The following ATXN7L1 variants were observed in gnomAD, a reference collection of about 807,000 sequenced individuals.
ATXN7L1 encodes the protein ataxin 7 like 1.
A neutral mutation model predicts 70.8 loss-of-function variants in ATXN7L1; 15 were observed. The observed-to-expected ratio is 0.21, with a 90% CI of 0.14 to 0.33. The LOEUF (loss-of-function observed/expected upper bound fraction) is 0.33, where lower values mean the gene tolerates loss of function less well. Ranked by LOEUF, ATXN7L1 falls within the 10% of genes least tolerant of loss-of-function variation. ATXN7L1 has a pLI of 1.00. For missense variants in ATXN7L1, 975 were observed against 1,097.1 expected, an observed-to-expected ratio of 0.89 and a Z score of 1.57; for synonymous variants, 440 against 445.1, an observed-to-expected ratio of 0.99 and a Z score of 0.14.
intron 3 of ATXN7L1, chr7:105,691,551 A>G (rs1021191429): frequency 6.6e-6 from 1 of 151,904 alleles, no homozygotes; most frequent in African/African-American, 2.4e-5. Flanking sequence ...GTAAACTAAA[A>G]CCACTTACAG....
At chr7:105,717,166 C>T (rs1342639617) in intron 3 of ATXN7L1, among the ~76,000 whole-genome samples, 6 of 152,070 alleles carry the variant, frequency 3.9e-5, no homozygotes, top group South Asian at 2.1e-4. Context: ...CTCGCTCTGT[C>T]GCCCAGGCTG....
chr7:105,641,214 C>CTTTTTTTTTTTTTTTTTTTTTT (rs561100060), intron 5 of ATXN7L1, among the ~76,000 whole-genome samples: 1 of 21,786 alleles, frequency 4.6e-5, no homozygotes, highest in Admixed American at 7.4e-4. Context: ...CTCTCTCTCT[C>CTTTTTTTTTTTTTTTTTTTTTT]TTTTTTTTTT....
In ATXN7L1 at chr7:105,793,731, C is replaced by T. The variant is rs1231575342; in HGVS notation, c.251-5023G>A. On this transcript the variant is annotated intron_variant, in intron 2 of 11. Coordinates refer to ENST00000419735, the MANE Select transcript of ATXN7L1 (RefSeq NM_020725.2). The stretch of plus-strand genomic sequence containing the variant: ...CTGTCTGCTTTGCCCTGTTTTGTCA[C>T]CACAAATGGATAAACTGTGGATTAG... Among the ~76,000 whole-genome samples, 10 of 152,304 alleles carry T rather than the reference C, an allele frequency of 6.6e-5. No individual in the cohort carries two copies. In the East Asian group the frequency reaches 1.9e-3, roughly 29 times the overall value.
At chr7:105,744,502 C>T (rs1283030324) in intron 3 of ATXN7L1, among the ~76,000 whole-genome samples, 1 of 152,122 alleles carries the variant, frequency 6.6e-6, no homozygotes, top group Non-Finnish European at 1.5e-5. Flanking sequence ...GTGTCAGCAG[C>T]ACTGTCCTGA....
intron 3 of ATXN7L1, among the ~76,000 whole-genome samples, chr7:105,719,592 C>A (rs1218622355): frequency 6.6e-6 from 1 of 152,134 alleles, no homozygotes; most frequent in Admixed American, 6.6e-5. Context: ...CAGCAGGAGC[C>A]AGCGCAGAGA....
intron 3 of ATXN7L1, among the ~76,000 whole-genome samples, chr7:105,714,852 G>A (rs537039417): frequency 2.0e-5 from 3 of 152,144 alleles, no homozygotes; most frequent in East Asian, 1.9e-4. Context: ...TAGTAGAGAC[G>A]GGGGTTTCCA....
intron 3 of ATXN7L1, among the ~76,000 whole-genome samples, chr7:105,722,888 G>GAAATA (rs140633734): frequency 0.034 from 5,106 of 151,556 alleles, 114 homozygotes; most frequent in Non-Finnish European, 0.052. Flanking sequence ...CCGGCTCAAA[G>GAAATA]AAATAAAATA....
At chr7:105,611,813 C>CCCCGA (rs1562883748) in intron 10 of ATXN7L1, among the ~76,000 whole-genome samples, 1 of 152,220 alleles carries the variant, frequency 6.6e-6, no homozygotes, top group East Asian at 1.9e-4. Flanking sequence ...TCATGCGTTG[C>CCCCGA]CCCGACCCCG....
In ATXN7L1 at chr7:105,733,593, TCCA is replaced by T. The variant is rs1796905134; in HGVS notation, c.355+55008_355+55010del. ...TTCCATCCATCCACCCATCCATCCA[TCCA>T]TCCATCCACCCATCCATCCATCCAT... On this transcript the variant is annotated intron_variant, in intron 3 of 11. Transcript: ENST00000419735. Among the ~76,000 whole-genome samples the T allele has an allele frequency of 1.2e-4, 15 of 122,444 alleles. 2 individuals carry two copies. Among genetic ancestry groups the T allele is most frequent in the African/African-American group, 4.5e-4 (14 of 30,900 alleles). The allele number at this position is 122,444 out of a possible 152,430, so 80.3% of individuals were successfully genotyped here. A position where few individuals can be genotyped will look rare whatever the true frequency, so the allele number is the denominator to read the frequency against.
chr7:105,660,392 C>T (rs1435338331), intron 4 of ATXN7L1, among the ~76,000 whole-genome samples: 1 of 152,098 alleles, frequency 6.6e-6, no homozygotes, highest in Non-Finnish European at 1.5e-5. Context: ...TGCCTCTCCC[C>T]ACATGCAAAT....
intron 3 of ATXN7L1, among the ~76,000 whole-genome samples, chr7:105,762,859 T>C (rs1276111436): frequency 6.6e-6 from 1 of 152,214 alleles, no homozygotes; most frequent in Non-Finnish European, 1.5e-5. Context: ...CTCTCTTGGG[T>C]TGTTGGCTCT....
At chr7:105,787,801 A>C (rs1477326470) in intron 3 of ATXN7L1, among the ~76,000 whole-genome samples, 1 of 152,240 alleles carries the variant, frequency 6.6e-6, no homozygotes, top group Admixed American at 6.5e-5. Flanking sequence ...GTTCATCAAA[A>C]GGGAATACAG....
intron 3 of ATXN7L1, among the ~76,000 whole-genome samples, chr7:105,782,898 G>T (rs1270780458): frequency 3.3e-5 from 5 of 152,212 alleles, no homozygotes; most frequent in Non-Finnish European, 7.3e-5. Context: ...CTGAGACAGG[G>T]CAAGAAATGA....
chr7:105,622,425 G>A (rs960286297), intron 8 of ATXN7L1, among the ~76,000 whole-genome samples: 7 of 152,192 alleles, frequency 4.6e-5, no homozygotes, highest in Non-Finnish European at 7.4e-5. Context: ...GCCCTGAGAG[G>A]CTCCAGTTCC....
intron 5 of ATXN7L1, among the ~76,000 whole-genome samples, chr7:105,639,926 C>A (rs1323196378): frequency 1.3e-5 from 2 of 152,234 alleles, no homozygotes; most frequent in East Asian, 3.8e-4. Flanking sequence ...AATGGTTCCA[C>A]AGGTCCTTGG....
intron 3 of ATXN7L1, among the ~76,000 whole-genome samples, chr7:105,708,746 A>G (rs768911544): frequency 6.6e-6 from 1 of 152,350 alleles, no homozygotes; most frequent in South Asian, 2.1e-4. Context: ...TATTATTAGC[A>G]TATGTCCAAG....
chr7:105,719,945 CGTG>C (rs1794994447), intron 3 of ATXN7L1, among the ~76,000 whole-genome samples: 1 of 152,192 alleles, frequency 6.6e-6, no homozygotes, highest in Non-Finnish European at 1.5e-5. Flanking sequence ...TCTCTTCAGC[CGTG>C]ACCCCACTTT....
At chr7:105,848,237 G>C (rs1234684352) in intron 2 of ATXN7L1, among the ~76,000 whole-genome samples, 4 of 152,170 alleles carry the variant, frequency 2.6e-5, no homozygotes, top group Non-Finnish European at 5.9e-5. Context: ...TCTTTGGTGA[G>C]ATATTGGCCA....
chr7:105,799,364 G>T (rs1020787046), intron 2 of ATXN7L1, among the ~76,000 whole-genome samples: 1 of 152,156 alleles, frequency 6.6e-6, no homozygotes, highest in Non-Finnish European at 1.5e-5. Context: ...AGTGGTAGGG[G>T]GGTTATATCA....
Sources: allele counts gnomAD v4.1 joint callset (sites outside exome capture counted in the v4.1 genomes callset), GRCh38; gene constraint gnomAD v4.1.1; transcripts MANE v1.5; gene names NCBI Gene and HGNC (gene_info 2026-07-23, HGNC 2026-07-21).